ZDHHC20: variants seen among roughly 807,000 people sequenced by gnomAD.
The protein encoded by ZDHHC20 is palmitoyltransferase ZDHHC20.
In ZDHHC20, 43 loss-of-function variants were observed where a neutral mutation model predicts 57.8. The ratio of observed to expected loss-of-function variants is 0.74; its 90% CI spans 0.58 to 0.96. The LOEUF (loss-of-function observed/expected upper bound fraction) is 0.96, where lower values mean the gene tolerates loss of function less well. Among genes scored for constraint, ZDHHC20 ranks in the 40% least tolerant of loss-of-function variants. ZDHHC20 has a pLI of 0.00. For synonymous variants in ZDHHC20, 157 were observed against 153.0 expected, an observed-to-expected ratio of 1.03 and a Z score of -0.19; for missense variants, 391 against 441.1, an observed-to-expected ratio of 0.89 and a Z score of 1.02.
intron 4 of ZDHHC20, chr13:21,404,170 GT>G: frequency 2.6e-6 from 1 of 389,340 alleles, no homozygotes; most frequent in Non-Finnish European, 5.1e-6. Context: ...ACTATGCGGA[GT>G]TTAACAAAAA....
chr13:21,417,537 TC>T (rs1880132673), intron 3 of ZDHHC20, among the ~76,000 whole-genome samples: 1 of 152,136 alleles, frequency 6.6e-6, no homozygotes, highest in Non-Finnish European at 1.5e-5. Flanking sequence ...CCTCCCAGGT[TC>T]AAGCAATTCT....
At chr13:21,406,789 G>A (rs958986712) in intron 4 of ZDHHC20, among the ~76,000 whole-genome samples, 1 of 152,154 alleles carries the variant, frequency 6.6e-6, no homozygotes, top group Non-Finnish European at 1.5e-5. Flanking sequence ...TATCACTGAT[G>A]GGCATTTGGG....
chr13:21,403,178 G>T (rs1044383949), intron 4 of ZDHHC20, among the ~76,000 whole-genome samples: 2 of 151,988 alleles, frequency 1.3e-5, no homozygotes, highest in African/African-American at 4.8e-5. Flanking sequence ...TCAAGATTTA[G>T]TAAGTCCCAG....
At chr13:21,420,025 G>C (rs116817172) in intron 3 of ZDHHC20, among the ~76,000 whole-genome samples, 2 of 152,128 alleles carry the variant, frequency 1.3e-5, no homozygotes, top group Non-Finnish European at 2.9e-5. Context: ...AATGGCTCAC[G>C]CCTGTAATCC....
At position 21,425,609 on chromosome 13, in the gene ZDHHC20, A is replaced by ATCAT. The variant is rs749089131; in HGVS notation, c.145+39_145+42dup. 3 of 1,175,020 alleles carry ATCAT rather than the reference A, an allele frequency of 2.6e-6. No homozygotes were observed. In the South Asian group the frequency reaches 4.8e-5, roughly 19 times the overall value. 72.8% of individuals were successfully genotyped at this position (1,175,020 alleles called of 1,614,324 possible). A position where few individuals can be genotyped will look rare whatever the true frequency, so the allele number is the denominator to read the frequency against. ...ATAAAAAGTATGTTCCAATTAAAAT[A>ATCAT]TCATTAAGCATTTAACTTAAATTGA... On this transcript the variant is annotated intron_variant, in intron 2 of 12. Coordinates refer to ENST00000400590, the MANE Select transcript of ZDHHC20 (RefSeq NM_001330059.2).
intron 2 of ZDHHC20, among the ~76,000 whole-genome samples, chr13:21,424,497 C>T (rs909921870): frequency 1.1e-4 from 16 of 152,120 alleles, no homozygotes; most frequent in Non-Finnish European, 1.5e-4. Context: ...ATCACGAGGT[C>T]AGGAGATCGA....
intron 4 of ZDHHC20, among the ~76,000 whole-genome samples, chr13:21,412,696 C>CG (rs1879378519): frequency 6.6e-6 from 1 of 151,946 alleles, no homozygotes; most frequent in Non-Finnish European, 1.5e-5. Flanking sequence ...AGGCCAGACA[C>CG]GGTGGCTCAC....
chr13:21,426,720 C>T (rs193299047), intron 1 of ZDHHC20, among the ~76,000 whole-genome samples: 169 of 151,998 alleles, frequency 1.1e-3, no homozygotes, highest in Middle Eastern at 3.4e-3. Context: ...ATTCTCCTGC[C>T]TCAGCTTCCC....
At chr13:21,434,777 C>CT (rs34429191) in intron 1 of ZDHHC20, among the ~76,000 whole-genome samples, 22 of 150,498 alleles carry the variant, frequency 1.5e-4, no homozygotes, top group African/African-American at 4.2e-4. Flanking sequence ...CAGAGACATC[C>CT]TTTTTTTTTT....
rs754305141 is a variant in ZDHHC20 at position 21,391,656 on chromosome 13, C to T, written c.727+66G>A. 417 of 1,509,632 alleles carry T rather than the reference C, an allele frequency of 2.8e-4. 2 individuals carry two copies. The highest frequency in any genetic ancestry group is 3.7e-4 in the Non-Finnish European group (411 of 1,115,970). 93.5% of individuals were successfully genotyped at this position (1,509,632 alleles called of 1,614,324 possible). A position where few individuals can be genotyped will look rare whatever the true frequency, so the allele number is the denominator to read the frequency against. ...TCTGTATCATCTGACCCTTGTTCTTCTCTAGATTTCATATTTATTTATGGT... is the reference window on the plus strand; with the variant it reads ...TCTGTATCATCTGACCCTTGTTCTTTTCTAGATTTCATATTTATTTATGGT... On this transcript the variant is annotated intron_variant, in intron 8 of 12. Coordinates refer to ENST00000400590, the MANE Select transcript of ZDHHC20 (RefSeq NM_001330059.2).
chr13:21,455,292 A>C (rs529596646), intron 1 of ZDHHC20, among the ~76,000 whole-genome samples: 111 of 152,288 alleles, frequency 7.3e-4, no homozygotes, highest in African/African-American at 2.5e-3. Flanking sequence ...AATCTCTTTA[A>C]GTTCTAAGAT....
intron 8 of ZDHHC20, among the ~76,000 whole-genome samples, chr13:21,389,969 A>C (rs1030871384): frequency 3.3e-5 from 5 of 152,238 alleles, no homozygotes; most frequent in African/African-American, 1.2e-4. Flanking sequence ...AAGATGACAA[A>C]AAAAAGTAGT....
chr13:21,409,709 G>A (rs1439076745), intron 4 of ZDHHC20, among the ~76,000 whole-genome samples: 1 of 152,044 alleles, frequency 6.6e-6, no homozygotes, highest in Non-Finnish European at 1.5e-5. Context: ...GCTTCACAAA[G>A]TTCTCGTGGT....
In ZDHHC20 at chr13:21,383,025, GA is replaced by G; in HGVS notation, c.855-17del. The G allele has an allele frequency of 6.5e-7, 1 of 1,547,420 alleles. No individual in the cohort carries two copies. The highest frequency in any genetic ancestry group is 8.7e-7 in the Non-Finnish European group (1 of 1,142,920). On this transcript the variant is annotated splice_polypyrimidine_tract_variant and intron_variant, in intron 9 of 12. Transcript: ENST00000400590. ...ATCACCCAAGCTGCATAATGAAAAA[GA>G]GTAATAATTTAAATAATGTTAAGTT...
intron 9 of ZDHHC20, among the ~76,000 whole-genome samples, chr13:21,383,313 A>C (rs1476166847): frequency 1.3e-5 from 2 of 152,094 alleles, no homozygotes; most frequent in Non-Finnish European, 1.5e-5. Flanking sequence ...CACAAATCTC[A>C]CAAGATCTGA....
At position 21,378,718 on chromosome 13, in the gene ZDHHC20, C is replaced by T. The variant is rs2137620330; in HGVS notation, c.1081G>A (p.Val361Met). The change falls in exon 12 of 13, where the codon GTG becomes ATG. Residue 361 changes from valine to methionine, a missense_variant. By Grantham distance (21) the Val-to-Met change is conservative. Coordinates refer to ENST00000400590, the MANE Select transcript of ZDHHC20 (RefSeq NM_001330059.2). ...VKSGTNNHVTVAIEN is the reference protein window; with the variant it reads ...VKSGTNNHVTMAIEN Reference sequence around the variant, plus strand: ...AGTGGTACTCAATTTTCTATTGCCACTGTTACATGGTTATTTGTCCCTGTA... The same window carrying T: ...AGTGGTACTCAATTTTCTATTGCCATTGTTACATGGTTATTTGTCCCTGTA... 1 of 1,457,964 alleles carries T rather than the reference C, an allele frequency of 6.9e-7. No individual in the cohort carries two copies. The allele number at this position is 1,457,964 out of a possible 1,614,324, so 90.3% of individuals were successfully genotyped here.
chr13:21,411,940 T>C (rs1879270646), intron 4 of ZDHHC20, among the ~76,000 whole-genome samples: 1 of 152,196 alleles, frequency 6.6e-6, no homozygotes, highest in African/African-American at 2.4e-5. Flanking sequence ...AAGCTTTGCA[T>C]AATAGGCCAT....
intron 1 of ZDHHC20, among the ~76,000 whole-genome samples, chr13:21,450,921 AT>A (rs954601361): frequency 6.6e-6 from 1 of 152,048 alleles, no homozygotes; most frequent in African/African-American, 2.4e-5. Flanking sequence ...TGCCTGGCTA[AT>A]TTTTTATTTT....
intron 8 of ZDHHC20, among the ~76,000 whole-genome samples, chr13:21,388,995 C>T (rs1875132141): frequency 6.6e-6 from 1 of 152,004 alleles, no homozygotes; most frequent in Non-Finnish European, 1.5e-5. Context: ...GAATAGAAGA[C>T]TCAGGAAGTA....
Sources: gnomAD v4.1 joint callset for allele counts (sites outside exome capture counted in the v4.1 genomes callset) on GRCh38, gnomAD v4.1.1 for gene constraint, MANE v1.5 for transcripts, NCBI Gene and HGNC (gene_info 2026-07-23, HGNC 2026-07-21) for gene names.